CFAP161: variants seen among roughly 807,000 people sequenced by gnomAD.
The protein encoded by CFAP161 is cilia- and flagella-associated protein 161.
A neutral mutation model predicts 29.0 loss-of-function variants in CFAP161; 25 were observed. That is an observed-to-expected ratio of 0.86 (90% CI 0.63 to 1.20). CFAP161 has a LOEUF of 1.20. CFAP161 is among the 50% of genes most tolerant of loss of function. CFAP161 has a pLI of 0.00. For missense variants in CFAP161, 367 were observed against 371.9 expected, an observed-to-expected ratio of 0.99 and a Z score of 0.11; for synonymous variants, 116 against 137.4, an observed-to-expected ratio of 0.84 and a Z score of 1.09.
chr15:81,114,866 T>C (rs1476686788), intron 1 of CFAP161, among the ~76,000 whole-genome samples: 1 of 152,128 alleles, frequency 6.6e-6, no homozygotes, highest in Non-Finnish European at 1.5e-5. Context: ...GGTTTCACCA[T>C]GTTGGTCAGG....
At chr15:81,134,493 T>C in intron 1 of CFAP161, 95 bp downstream of exon 1, 3 of 1,245,314 alleles carry the variant, frequency 2.4e-6, no homozygotes, top group Non-Finnish European at 3.4e-6. Flanking sequence ...TCAAGCCTCC[T>C]CTCTCTCCCA....
In CFAP161 at chr15:81,143,651, G is replaced by A. The variant is rs1225009865; in HGVS notation, c.478-11G>A. On this transcript the variant is annotated splice_polypyrimidine_tract_variant and intron_variant, in intron 4 of 6. Transcript: ENST00000286732. ...CTCTGACTTAGTGCATCTGCTTGCT[G>A]TCATTTTCAGTTGTATTTGTCAAGT... The A allele has an allele frequency of 1.2e-6, 2 of 1,606,602 alleles. No individual in the cohort carries two copies. The highest frequency in any genetic ancestry group is 1.7e-5 in the Admixed American group (1 of 59,702).
intron 1 of CFAP161, chr15:81,099,638 C>G (rs1054886605): frequency 6.6e-6 from 1 of 152,152 alleles, no homozygotes; most frequent in Non-Finnish European, 1.5e-5. Flanking sequence ...TCCAAAAGCT[C>G]AACAAATAGC....
intron 4 of CFAP161, among the ~76,000 whole-genome samples, chr15:81,139,604 A>G (rs1207079269): frequency 6.6e-6 from 1 of 152,204 alleles, no homozygotes; most frequent in Non-Finnish European, 1.5e-5. Flanking sequence ...GTGTGGCGGT[A>G]TCATAATTTA....
At chr15:81,101,954 C>G (rs572162309) in intron 1 of CFAP161, among the ~76,000 whole-genome samples, 1 of 152,286 alleles carries the variant, frequency 6.6e-6, no homozygotes, top group Non-Finnish European at 1.5e-5. Context: ...GACTACACCA[C>G]CACCCTCTTC....
chr15:81,113,069 G>A (rs1894457664), intron 1 of CFAP161, among the ~76,000 whole-genome samples: 1 of 152,102 alleles, frequency 6.6e-6, no homozygotes, highest in South Asian at 2.1e-4. Flanking sequence ...AGTAATAAAA[G>A]GAGAATTTAA....
chr15:81,102,278 G>A (rs1471320150), intron 1 of CFAP161, among the ~76,000 whole-genome samples: 1 of 152,168 alleles, frequency 6.6e-6, no homozygotes, highest in Non-Finnish European at 1.5e-5. Flanking sequence ...ACCAGGCCAC[G>A]TTCACGTTTT....
At position 81,148,721 on chromosome 15, in the gene CFAP161, A is replaced by G. The variant is rs1190414801; in HGVS notation, c.*188A>G. On this transcript the variant is annotated 3_prime_UTR_variant, in exon 7 of 7. Transcript: ENST00000286732. ...GGTGGGAGTCTAGGGCTGAAGAAAA[A>G]CAGCTCTGGAGAATAATTAGTATTT... 2 of 483,480 alleles carry G rather than the reference A, an allele frequency of 4.1e-6. No homozygotes were observed. The highest frequency in any genetic ancestry group is 3.1e-5 in the East Asian group (1 of 31,992). 29.9% of individuals were successfully genotyped at this position (483,480 alleles called of 1,614,324 possible).
At chr15:81,111,078 C>T (rs1894434329) in intron 1 of CFAP161, among the ~76,000 whole-genome samples, 2 of 152,224 alleles carry the variant, frequency 1.3e-5, no homozygotes, top group African/African-American at 4.8e-5. Flanking sequence ...TTTCAATATC[C>T]TGTCTGCTTT....
upstream of CFAP161, among the ~76,000 whole-genome samples, chr15:81,129,512 C>G (rs551889235): frequency 1.3e-5 from 2 of 152,162 alleles, 1 homozygote; most frequent in Admixed American, 1.3e-4. Flanking sequence ...GAGACTTATT[C>G]ACTACCACGA....
intron 4 of CFAP161, among the ~76,000 whole-genome samples, chr15:81,140,850 G>T (rs1408404380): frequency 1.3e-5 from 2 of 152,102 alleles, no homozygotes; most frequent in African/African-American, 4.8e-5. Context: ...ACCTCCCAAA[G>T]TGCTGGGATT....
At chr15:81,104,479 A>T (rs1247439878) in intron 1 of CFAP161, among the ~76,000 whole-genome samples, 1 of 152,204 alleles carries the variant, frequency 6.6e-6, no homozygotes, top group Non-Finnish European at 1.5e-5. Context: ...TTCCACAAGG[A>T]GCTGCAAGGA....
chr15:81,124,457 C>A (rs1894615028), intron 1 of CFAP161, among the ~76,000 whole-genome samples: 1 of 137,154 alleles, frequency 7.3e-6, no homozygotes, highest in Non-Finnish European at 1.6e-5. Flanking sequence ...ACCAAGGATA[C>A]TGGCATGAAG....
intron 4 of CFAP161, among the ~76,000 whole-genome samples, chr15:81,139,296 C>A (rs1160593378): frequency 1.3e-5 from 2 of 151,130 alleles, no homozygotes; most frequent in African/African-American, 2.4e-5. Flanking sequence ...GACCCTGTGT[C>A]AAAAAATAAA....
chr15:81,115,562 TG>T (rs113246996), intron 1 of CFAP161, among the ~76,000 whole-genome samples: 13,931 of 152,228 alleles, frequency 0.092, 728 homozygotes, highest in East Asian at 0.17. Flanking sequence ...TTCGTACTTC[TG>T]AAGACATTTA....
intron 1 of CFAP161, among the ~76,000 whole-genome samples, chr15:81,125,108 A>G (rs2457380): frequency 0.57 from 86,248 of 151,014 alleles, 25,879 homozygotes; most frequent in Non-Finnish European, 0.68. Flanking sequence ...AGAAAAGTAA[A>G]AAAGAAAAAA....
chr15:81,142,660 T>C (rs1284785962), intron 4 of CFAP161, among the ~76,000 whole-genome samples: 1 of 152,192 alleles, frequency 6.6e-6, no homozygotes, highest in African/African-American at 2.4e-5. Context: ...CTCATGAGGA[T>C]AGTAACTCAT....
At chr15:81,108,444 C>T (rs568423427) in intron 1 of CFAP161, among the ~76,000 whole-genome samples, 2 of 152,054 alleles carry the variant, frequency 1.3e-5, no homozygotes, top group Admixed American at 1.3e-4. Context: ...GTAGAAAAGG[C>T]CCTGGACAAA....
chr15:81,141,197 C>G (rs553237949), intron 4 of CFAP161, among the ~76,000 whole-genome samples: 1 of 152,166 alleles, frequency 6.6e-6, no homozygotes, highest in African/African-American at 2.4e-5. Flanking sequence ...ATTCTGTCAG[C>G]AAAATTTTCT....
Sources: gnomAD v4.1 joint callset for allele counts (sites outside exome capture counted in the v4.1 genomes callset) on GRCh38, gnomAD v4.1.1 for gene constraint, MANE v1.5 for transcripts, NCBI Gene and HGNC (gene_info 2026-07-23, HGNC 2026-07-21) for gene names.